Variants in MAML3 observed in about 807,000 individuals in gnomAD.
MAML3 encodes mastermind-like protein 3.
A neutral mutation model predicts 101.9 loss-of-function variants in MAML3; 27 were observed. The observed-to-expected ratio is 0.27, with a 90% CI of 0.20 to 0.37. The LOEUF (loss-of-function observed/expected upper bound fraction) is 0.37. Ranked by LOEUF, MAML3 falls within the 10% of genes least tolerant of loss-of-function variation. The pLI, the probability that MAML3 is intolerant of heterozygous loss-of-function variation, is 1.00. For synonymous variants in MAML3, 501 were observed against 555.9 expected, an observed-to-expected ratio of 0.90 and a Z score of 1.39; for missense variants, 1,316 against 1,444.9, an observed-to-expected ratio of 0.91 and a Z score of 1.45.
At chr4:140,152,167 G>C (rs547218916) in intron 1 of MAML3, among the ~76,000 whole-genome samples, 4 of 152,100 alleles carry the variant, frequency 2.6e-5, no homozygotes, top group African/African-American at 9.7e-5. Context: ...AGCAAAGAGC[G>C]GAGCGCACCC....
intron 1 of MAML3, among the ~76,000 whole-genome samples, chr4:140,034,160 C>T (rs1726948495): frequency 6.6e-6 from 1 of 152,146 alleles, no homozygotes; most frequent in South Asian, 2.1e-4. Context: ...GGAGGCAAGA[C>T]GAGGACCCAG....
intron 2 of MAML3, among the ~76,000 whole-genome samples, chr4:139,842,267 A>G (rs1731375845): frequency 3.3e-5 from 5 of 152,274 alleles, no homozygotes; most frequent in South Asian, 4.1e-4. Flanking sequence ...CAAGGAGTTT[A>G]AAAGGGAAGG....
chr4:139,923,962 T>A (rs2111237216), intron 1 of MAML3, among the ~76,000 whole-genome samples: 1 of 152,334 alleles, frequency 6.6e-6, no homozygotes, highest in African/African-American at 2.4e-5. Context: ...ATCTCCAGAC[T>A]GTAAAGTCTG....
intron 1 of MAML3, among the ~76,000 whole-genome samples, chr4:139,998,823 C>T (rs1024479981): frequency 6.6e-6 from 1 of 152,120 alleles, no homozygotes; most frequent in African/African-American, 2.4e-5. Context: ...GATGTCTCTT[C>T]TCAGCCTTTA....
chr4:140,150,601 C>G (rs1729141667), intron 1 of MAML3, among the ~76,000 whole-genome samples: 1 of 152,122 alleles, frequency 6.6e-6, no homozygotes. Context: ...TGGAGCCTCC[C>G]GAAAGGAGCC....
chr4:140,144,441 G>C (rs997626300), intron 1 of MAML3, among the ~76,000 whole-genome samples: 1 of 151,932 alleles, frequency 6.6e-6, no homozygotes, highest in South Asian at 2.1e-4. Flanking sequence ...CCAGCTGCTC[G>C]GGAGGCTGAG....
chr4:139,956,147 T>C (rs1302772025), intron 1 of MAML3, among the ~76,000 whole-genome samples: 1 of 152,224 alleles, frequency 6.6e-6, no homozygotes, highest in Non-Finnish European at 1.5e-5. Flanking sequence ...CTTTCTGAGC[T>C]TCAGGTTTTT....
chr4:139,967,012 A>T (rs142433425), intron 1 of MAML3, among the ~76,000 whole-genome samples: 251 of 152,362 alleles, frequency 1.6e-3, no homozygotes, highest in African/African-American at 5.7e-3. Flanking sequence ...ATTCTGGTAA[A>T]TAAAAGAATA....
chr4:139,994,786 G>GTGTGTGT lies in MAML3; in HGVS notation c.469-103820_469-103819insACACACA, dbSNP rs1553968047. On this transcript the variant is annotated intron_variant, in intron 1 of 4. Transcript: ENST00000509479. ...GGTGGTGGTGGTGGTGCTGGTGGGG[G>GTGTGTGT]GTGTGTGTGTGTGTGTGTGTGTATG... Among the ~76,000 whole-genome samples the GTGTGTGT allele has an allele frequency of 6.1e-3, 922 of 150,214 alleles. 4 individuals are homozygous for GTGTGTGT. The highest frequency in any genetic ancestry group is 0.016 in the East Asian group (83 of 5,080).
intron 2 of MAML3, among the ~76,000 whole-genome samples, chr4:139,887,816 C>G (rs903938799): frequency 3.3e-5 from 5 of 152,180 alleles, no homozygotes; most frequent in African/African-American, 1.2e-4. Flanking sequence ...CACGCCTGGG[C>G]TACTACAAAC....
intron 1 of MAML3, among the ~76,000 whole-genome samples, chr4:140,050,753 G>C (rs189504201): frequency 2.6e-5 from 4 of 152,114 alleles, no homozygotes; most frequent in African/African-American, 9.7e-5. Flanking sequence ...ACCAACTCTC[G>C]CAGCGATTCT....
intron 1 of MAML3, among the ~76,000 whole-genome samples, chr4:140,120,373 T>C (rs1295448616): frequency 6.6e-6 from 1 of 152,210 alleles, no homozygotes; most frequent in Non-Finnish European, 1.5e-5. Context: ...GATGATGTCT[T>C]ATAAAAGTAG....
At chr4:140,008,075 T>C (rs953750162) in intron 1 of MAML3, among the ~76,000 whole-genome samples, 3 of 152,242 alleles carry the variant, frequency 2.0e-5, no homozygotes, top group African/African-American at 4.8e-5. Flanking sequence ...CTGGGCGCAG[T>C]GGCTCACGCC....
rs529105945 is a variant in MAML3, at chr4:139,810,312, C to T, written c.2079+79045G>A. 6.6e-5 allele frequency among the ~76,000 whole-genome samples: 10 copies of T among 151,558 alleles called. No homozygotes were observed. In the East Asian group the frequency reaches 1.9e-3, roughly 29 times the overall value. On this transcript the variant is annotated intron_variant, in intron 2 of 4. Transcript: ENST00000509479. ...GGCTCAAGTGATACTCTGGCCTCAG[C>T]CTCCTGAGTAGCTGGCACTATAGGC...
intron 1 of MAML3, among the ~76,000 whole-genome samples, chr4:139,946,418 C>A (rs955175573): frequency 2.6e-5 from 4 of 152,060 alleles, no homozygotes; most frequent in African/African-American, 9.7e-5. Flanking sequence ...GTATAACGAG[C>A]CTGACAATGT....
chr4:139,773,568 C>T (rs1730037140), intron 2 of MAML3, among the ~76,000 whole-genome samples: 3 of 152,134 alleles, frequency 2.0e-5, no homozygotes, highest in Admixed American at 1.3e-4. Flanking sequence ...CTAGGTAGTG[C>T]TAAGGATGGG....
Position 139,764,212 on chromosome 4 carries a change from C to A in MAML3, c.2080-33545G>T, listed in dbSNP as rs919811337. 3.3e-5 allele frequency among the ~76,000 whole-genome samples: 5 copies of A among 152,208 alleles called. No individual in the cohort carries two copies. In the South Asian group the frequency reaches 8.3e-4, roughly 25 times the overall value. On this transcript the variant is annotated intron_variant, in intron 2 of 4. Transcript: ENST00000509479. Reference sequence around the variant, plus strand: ...TCTGTAGTCCTGCTGACAAGCAATCCTGCTGACGAGCAAACCTTTTCCATC... The same window carrying A: ...TCTGTAGTCCTGCTGACAAGCAATCATGCTGACGAGCAAACCTTTTCCATC...
chr4:139,801,666 GTGTGTGTGTGTGTGTC>G (rs1236383301), intron 2 of MAML3, among the ~76,000 whole-genome samples: 47 of 17,056 alleles, frequency 2.8e-3, no homozygotes, highest in African/African-American at 4.5e-3. Context: ...GTGTGTGTGT[GTGTGTGTGTGTGTGTC>G]TGTGTGTGTG....
intron 1 of MAML3, among the ~76,000 whole-genome samples, chr4:140,003,517 G>C (rs1266273279): frequency 6.6e-6 from 1 of 152,152 alleles, no homozygotes; most frequent in African/African-American, 2.4e-5. Context: ...AGGCCAATAT[G>C]ATTCAACTCG....
Sources: allele counts gnomAD v4.1 joint callset (sites outside exome capture counted in the v4.1 genomes callset), GRCh38; gene constraint gnomAD v4.1.1; transcripts MANE v1.5; gene names NCBI Gene and HGNC (gene_info 2026-07-23, HGNC 2026-07-21).